Variants in CSMD3 observed in about 807,000 individuals in gnomAD.
CSMD3 encodes CUB and Sushi multiple domains 3.
In CSMD3, 177 loss-of-function variants were observed where a neutral mutation model predicts 435.2. The observed-to-expected ratio is 0.41, with a 90% confidence interval of 0.36 to 0.46. CSMD3 has a LOEUF of 0.46. Among genes scored for constraint, CSMD3 ranks in the 20% least tolerant of loss-of-function variants. The pLI, the probability that CSMD3 is intolerant of heterozygous loss-of-function variation, is 0.34. For missense variants in CSMD3, 4,265 were observed against 4,504.6 expected (o/e 0.95, Z 1.52); for synonymous variants, 1,656 against 1,520.5 (o/e 1.09, Z -2.07).
intron 35 of CSMD3, among the ~76,000 whole-genome samples, chr8:112,394,518 A>G (rs1429399551): frequency 6.6e-6 from 1 of 152,056 alleles, no homozygotes; most frequent in Non-Finnish European, 1.5e-5. Context: ...CTGCCTCTCT[A>G]AACTCATCTC....
intron 3 of CSMD3, among the ~76,000 whole-genome samples, chr8:113,175,748 TAACAA>T (rs2092338162): frequency 6.6e-6 from 1 of 152,010 alleles, no homozygotes; most frequent in African/African-American, 2.4e-5. Flanking sequence ...AATATAGTAA[TAACAA>T]AGGAGATACT....
chr8:112,722,884 C>CA (rs1361618601), intron 13 of CSMD3, among the ~76,000 whole-genome samples: 1 of 151,924 alleles, frequency 6.6e-6, no homozygotes, highest in East Asian at 1.9e-4. Context: ...AACTGAAGAT[C>CA]AAAAATCACA....
chr8:112,928,025 C>T (rs1259315683), intron 9 of CSMD3, among the ~76,000 whole-genome samples: 2 of 152,070 alleles, frequency 1.3e-5, no homozygotes, highest in South Asian at 2.1e-4. Context: ...GATAATAATG[C>T]TACCTGTCTT....
At chr8:113,410,042 C>T (rs946186036) in intron 1 of CSMD3, among the ~76,000 whole-genome samples, 3 of 152,020 alleles carry the variant, frequency 2.0e-5, no homozygotes, top group African/African-American at 7.2e-5. Flanking sequence ...TTACTTACTG[C>T]CTTATATTCA....
intron 3 of CSMD3, among the ~76,000 whole-genome samples, chr8:113,186,542 C>A (rs1375392892): frequency 6.6e-6 from 1 of 152,030 alleles, no homozygotes; most frequent in Non-Finnish European, 1.5e-5. Flanking sequence ...AACCCAGCAG[C>A]TCCTCACACA....
intron 27 of CSMD3, among the ~76,000 whole-genome samples, chr8:112,549,942 C>T (rs971052442): frequency 2.0e-5 from 3 of 151,956 alleles, no homozygotes; most frequent in African/African-American, 4.8e-5. Context: ...TAAGACTATA[C>T]AGATAAAAAA....
At chr8:113,364,160 G>C (rs1401253011) in intron 1 of CSMD3, among the ~76,000 whole-genome samples, 1 of 151,990 alleles carries the variant, frequency 6.6e-6, no homozygotes, top group Non-Finnish European at 1.5e-5. Context: ...GGAGCCATTG[G>C]CTTACTTATC....
chr8:112,666,533 C>T (rs1246765980), intron 16 of CSMD3, 118 bp from the exon 17 acceptor site: 1 of 859,248 alleles, frequency 1.2e-6, no homozygotes, highest in East Asian at 2.7e-5. Context: ...ATAGTTAATA[C>T]TATTTTTGAA....
intron 1 of CSMD3, among the ~76,000 whole-genome samples, chr8:113,383,851 A>G (rs1372292688): frequency 6.6e-6 from 1 of 152,010 alleles, no homozygotes; most frequent in African/African-American, 2.4e-5. Flanking sequence ...CCTTTATTCA[A>G]ATGCTGCTTG....
chr8:113,266,457 T>A (rs924052830), intron 3 of CSMD3, among the ~76,000 whole-genome samples: 2 of 151,394 alleles, frequency 1.3e-5, no homozygotes, highest in African/African-American at 4.8e-5. Context: ...CTAAGTGGAA[T>A]CACAGCTAAC....
At chr8:113,105,570 G>T (rs1436828611) in intron 4 of CSMD3, among the ~76,000 whole-genome samples, 1 of 152,122 alleles carries the variant, frequency 6.6e-6, no homozygotes, top group East Asian at 1.9e-4. Flanking sequence ...TGTGTAAGAT[G>T]AATGGTTCCA....
intron 13 of CSMD3, among the ~76,000 whole-genome samples, chr8:112,753,020 G>T (rs954288386): frequency 6.6e-6 from 1 of 151,494 alleles, no homozygotes; most frequent in Non-Finnish European, 1.5e-5. Flanking sequence ...TGAACTTCTG[G>T]GCTCAAATGA....
rs16883680 is a variant in CSMD3 at position 112,472,489 on chromosome 8, T to C, written c.5395+102A>G. The C allele has an allele frequency of 5.3e-3, 4,065 of 767,446 alleles. 117 individuals carry two copies. The African/African-American group carries it at 0.061, about 11-fold the overall frequency. The allele number at this position is 767,446 out of a possible 1,614,324, so 47.5% of individuals were successfully genotyped here. A position where few individuals can be genotyped will look rare whatever the true frequency, so the allele number is the denominator to read the frequency against. On this transcript the variant is annotated intron_variant, in intron 32 of 70. Coordinates refer to ENST00000297405, the MANE Select transcript of CSMD3 (RefSeq NM_198123.2). The stretch of plus-strand genomic sequence containing the variant: ...AAAAGAATTGCATAGTAAAATACTT[T>C]ATGGATAGCACGTATTTTCATTTAA...
chr8:113,289,906 C>T (rs2132523255), intron 2 of CSMD3, among the ~76,000 whole-genome samples: 1 of 151,570 alleles, frequency 6.6e-6, no homozygotes, highest in East Asian at 1.9e-4. Flanking sequence ...CTTCTATTTC[C>T]CAGAAAGGTA....
chr8:113,059,151 C>T (rs558252185), intron 5 of CSMD3, among the ~76,000 whole-genome samples: 11 of 152,188 alleles, frequency 7.2e-5, no homozygotes, highest in South Asian at 2.1e-4. Context: ...ACAGTAAAAA[C>T]GCATACAAAT....
Position 112,281,089 on chromosome 8 carries a change from T to C in CSMD3, c.9508+85A>G. ...CAGTTAAAACCTTACATGGTTTTAT[T>C]AATTACAAAACACACAAAAATACTT... On this transcript the variant is annotated intron_variant, in intron 59 of 70. Coordinates refer to ENST00000297405, the MANE Select transcript of CSMD3 (RefSeq NM_198123.2). The C allele has an allele frequency of 2.9e-6, 3 of 1,044,448 alleles. No homozygotes were observed. In the South Asian group the frequency reaches 4.1e-5, roughly 14 times the overall value. The allele number at this position is 1,044,448 out of a possible 1,614,324, so 64.7% of individuals were successfully genotyped here.
intron 9 of CSMD3, among the ~76,000 whole-genome samples, chr8:112,924,512 T>A (rs1417227436): frequency 6.6e-6 from 1 of 152,096 alleles, no homozygotes; most frequent in Non-Finnish European, 1.5e-5. Flanking sequence ...TTGCTAAAAG[T>A]AATAAATGAC....
At chr8:112,556,282 T>C (rs1001199920) in intron 25 of CSMD3, among the ~76,000 whole-genome samples, 3 of 150,792 alleles carry the variant, frequency 2.0e-5, no homozygotes, top group South Asian at 2.1e-4. Context: ...ACGAAAGCAA[T>C]ATATCTTATG....
At chr8:112,505,962 A>G (rs1235014611) in intron 29 of CSMD3, among the ~76,000 whole-genome samples, 1 of 152,050 alleles carries the variant, frequency 6.6e-6, no homozygotes, top group Non-Finnish European at 1.5e-5. Flanking sequence ...TTATATGTAA[A>G]CTAAGCCCTG....
Sources: gnomAD v4.1 joint callset for allele counts (sites outside exome capture counted in the v4.1 genomes callset) on GRCh38, gnomAD v4.1.1 for gene constraint, MANE v1.5 for transcripts, NCBI Gene and HGNC (gene_info 2026-07-23, HGNC 2026-07-21) for gene names.